CHST8: variants seen among roughly 807,000 people sequenced by gnomAD.
The protein encoded by CHST8 is GALNAC-4-ST1.
Under a neutral mutation model 15.0 loss-of-function variants are expected in CHST8, and 10 were observed. The observed-to-expected ratio is 0.67, with a 90% confidence interval of 0.41 to 1.13. The LOEUF is 1.13. CHST8 is among the 50% of genes most tolerant of loss of function. The probability of loss-of-function intolerance (pLI) is 0.00; values close to 1 mark genes in which losing one functional copy is unlikely to be tolerated. For synonymous variants in CHST8, 259 were observed against 256.6 expected (o/e 1.01, Z -0.09); for missense variants, 634 against 608.2 (o/e 1.04, Z -0.45).
chr19:33,766,347 C>A (rs1482517490), intron 3 of CHST8, among the ~76,000 whole-genome samples: 1 of 152,098 alleles, frequency 6.6e-6, no homozygotes, highest in Non-Finnish European at 1.5e-5. Flanking sequence ...TTCATACTTC[C>A]CATGGAGTGG....
chr19:33,712,783 G>C (rs1186972708), intron 3 of CHST8, among the ~76,000 whole-genome samples: 1 of 152,124 alleles, frequency 6.6e-6, no homozygotes, highest in Non-Finnish European at 1.5e-5. Context: ...GAGACTCCTT[G>C]CCCGAGTCTC....
At chr19:33,659,152 G>A (rs371938095) in intron 1 of CHST8, among the ~76,000 whole-genome samples, 4 of 131,054 alleles carry the variant, frequency 3.1e-5, no homozygotes, top group East Asian at 2.5e-4. Flanking sequence ...TGTAGCCTCC[G>A]CCTCCCGGGT....
At chr19:33,745,321 A>AT (rs1323643053) in intron 3 of CHST8, among the ~76,000 whole-genome samples, 26 of 152,136 alleles carry the variant, frequency 1.7e-4, no homozygotes, top group Admixed American at 1.6e-3. Flanking sequence ...CTCCAGATAC[A>AT]TTTTTTTACA....
At chr19:33,672,608 A>G (rs1432339839) in intron 2 of CHST8, among the ~76,000 whole-genome samples, 1 of 152,184 alleles carries the variant, frequency 6.6e-6, no homozygotes, top group African/African-American at 2.4e-5. Flanking sequence ...AGAAACAGGA[A>G]GAAAAGCTGG....
rs1022335782 is a variant in CHST8 at position 33,698,622 on chromosome 19, G to A, written c.130+9231G>A. Among the ~76,000 whole-genome samples, 4 of 152,044 alleles carry A rather than the reference G, an allele frequency of 2.6e-5. No individual in the cohort carries two copies. The South Asian group carries it at 8.3e-4, about 32-fold the overall frequency. On this transcript the variant is annotated intron_variant, in intron 3 of 4. Coordinates refer to ENST00000650847, the MANE Select transcript of CHST8 (RefSeq NM_001127895.2). ...AGGGGGACTTGGGTTTCTGGCTCTA[G>A]AGGAGGGAGGTTGGGGGTGCCATTC...
intron 3 of CHST8, among the ~76,000 whole-genome samples, chr19:33,750,626 C>T (rs77718280): frequency 1.3e-5 from 2 of 152,184 alleles, no homozygotes; most frequent in African/African-American, 4.8e-5. Context: ...TATTGATTCT[C>T]TTAATTGGTT....
At position 33,655,218 on chromosome 19, in the gene CHST8, G is replaced by A. The variant is rs144935069; in HGVS notation, c.-163-12549G>A. On this transcript the variant is annotated intron_variant, in intron 1 of 4. Coordinates refer to ENST00000650847, the MANE Select transcript of CHST8 (RefSeq NM_001127895.2). ...TGCCTGGCTAATTTTTGCATTTTTT[G>A]TAGAGACAGGGTTTTGCCATGTTGA... 1.4e-3 allele frequency among the ~76,000 whole-genome samples: 209 copies of A among 152,184 alleles called. 1 individual carries two copies. The highest frequency in any genetic ancestry group is 4.6e-3 in the African/African-American group (193 of 41,520).
At chr19:33,639,048 C>A (rs1187152319) in intron 1 of CHST8, among the ~76,000 whole-genome samples, 5 of 146,012 alleles carry the variant, frequency 3.4e-5, no homozygotes, top group African/African-American at 1.3e-4. Flanking sequence ...GTGACAGGAG[C>A]CTCTCTCCAG....
At chr19:33,760,827 G>A (rs997734764) in intron 3 of CHST8, among the ~76,000 whole-genome samples, 1 of 152,064 alleles carries the variant, frequency 6.6e-6, no homozygotes, top group Non-Finnish European at 1.5e-5. Context: ...AGTCCTCCAT[G>A]GCTGCCATCA....
intron 3 of CHST8, among the ~76,000 whole-genome samples, chr19:33,759,432 G>A (rs1352676189): frequency 6.6e-6 from 1 of 152,206 alleles, no homozygotes; most frequent in African/African-American, 2.4e-5. Context: ...GTGAGGTCAC[G>A]GCTGCTGAGA....
chr19:33,625,599 C>A (rs1158528854), intron 1 of CHST8, among the ~76,000 whole-genome samples: 1 of 152,076 alleles, frequency 6.6e-6, no homozygotes, highest in Non-Finnish European at 1.5e-5. Flanking sequence ...CGGTGGCTCA[C>A]GCCTGTAATC....
intron 1 of CHST8, among the ~76,000 whole-genome samples, chr19:33,653,039 T>C (rs1320474880): frequency 6.6e-6 from 1 of 152,234 alleles, no homozygotes; most frequent in East Asian, 1.9e-4. Context: ...AAAAAATCAT[T>C]ATTACTGTTG....
At chr19:33,710,899 G>C (rs559027344) in intron 3 of CHST8, among the ~76,000 whole-genome samples, 87 of 150,184 alleles carry the variant, frequency 5.8e-4, no homozygotes, top group Non-Finnish European at 4.4e-4. Flanking sequence ...TAAGGGGTAG[G>C]GTCTCACTCT....
intron 1 of CHST8, among the ~76,000 whole-genome samples, chr19:33,630,507 C>T (rs1343884046): frequency 2.8e-5 from 4 of 144,584 alleles, no homozygotes; most frequent in Non-Finnish European, 6.0e-5. Flanking sequence ...ACGGAGCCAG[C>T]ACGTGGGTCA....
At chr19:33,649,029 G>A (rs111289439) in intron 1 of CHST8, among the ~76,000 whole-genome samples, 4 of 150,006 alleles carry the variant, frequency 2.7e-5, no homozygotes, top group South Asian at 4.3e-4. Flanking sequence ...TCAGCCACCC[G>A]AGTAGCTGGG....
chr19:33,732,692 A>G (rs1026710971), intron 3 of CHST8, among the ~76,000 whole-genome samples: 2 of 151,840 alleles, frequency 1.3e-5, no homozygotes, highest in African/African-American at 2.4e-5. Flanking sequence ...ACCTCATCTC[A>G]ATCATTATTT....
chr19:33,681,298 C>T (rs1358732960), intron 2 of CHST8, among the ~76,000 whole-genome samples: 2 of 152,176 alleles, frequency 1.3e-5, no homozygotes, highest in Admixed American at 6.5e-5. Flanking sequence ...CTTTGCACAT[C>T]AGAAAGAACC....
rs61600364 is a variant in CHST8, at chr19:33,773,125, C to T, written c.*62C>T. 9.8e-5 allele frequency: 146 copies of T among 1,490,600 alleles called. 1 individual carries two copies. The East Asian group carries it at 3.2e-3, about 33-fold the overall frequency. The allele number at this position is 1,490,600 out of a possible 1,614,324, so 92.3% of individuals were successfully genotyped here. On this transcript the variant is annotated 3_prime_UTR_variant, in exon 5 of 5. Transcript: ENST00000650847. ...TCACTCACCTGTGCTCCCGGGCATC[C>T]TCCTGTCCCTGGCTCCTCATCCTGG...
In CHST8 at chr19:33,772,549, T is replaced by C; in HGVS notation, c.761T>C (p.Met254Thr). The C allele has an allele frequency of 4.3e-6, 7 of 1,614,098 alleles. No individual in the cohort carries two copies. The highest frequency in any genetic ancestry group is 5.9e-6 in the Non-Finnish European group (7 of 1,180,030). The change falls in exon 5 of 5, where the codon ATG becomes ACG. Residue 254 changes from methionine to threonine, a missense_variant. Coordinates refer to ENST00000650847, the MANE Select transcript of CHST8 (RefSeq NM_001127895.2). ...ILHRLSTYTKMLFVREPFERL... is the reference protein window; with the variant it reads ...ILHRLSTYTKTLFVREPFERL... ...CACCGTCTCAGCACCTACACCAAGA[T>C]GCTCTTTGTCCGCGAGCCCTTCGAG...
Sources: gnomAD v4.1 joint callset for allele counts (sites outside exome capture counted in the v4.1 genomes callset) on GRCh38, gnomAD v4.1.1 for gene constraint, MANE v1.5 for transcripts, NCBI Gene and HGNC (gene_info 2026-07-23, HGNC 2026-07-21) for gene names.